Variants in PHF21A observed in about 807,000 individuals in gnomAD.
PHF21A encodes PHD finger protein 21A.
Under a neutral mutation model 82.5 loss-of-function variants are expected in PHF21A, and 11 were observed. The ratio of observed to expected loss-of-function variants is 0.13; its 90% CI spans 0.08 to 0.22. The LOEUF is 0.22. Among genes scored for constraint, PHF21A ranks in the 10% least tolerant of loss-of-function variants. PHF21A has a pLI of 1.00. For synonymous variants in PHF21A, 297 were observed against 302.8 expected (o/e 0.98, Z 0.20); for missense variants, 579 against 837.8 (o/e 0.69, Z 3.81).
intron 1 of PHF21A, among the ~76,000 whole-genome samples, chr11:46,110,350 C>T (rs912152141): frequency 2.0e-5 from 3 of 152,148 alleles, no homozygotes; most frequent in African/African-American, 7.2e-5. Flanking sequence ...ACAACTGTTT[C>T]CTTTATACTG....
chr11:45,994,350 C>G (rs1320459578), intron 6 of PHF21A, among the ~76,000 whole-genome samples: 1 of 152,162 alleles, frequency 6.6e-6, no homozygotes, highest in African/African-American at 2.4e-5. Flanking sequence ...AGCTATTTGT[C>G]TTTTGAAATA....
chr11:46,055,426 T>C (rs1001623377), intron 6 of PHF21A, among the ~76,000 whole-genome samples: 3 of 152,156 alleles, frequency 2.0e-5, no homozygotes, highest in Admixed American at 6.5e-5. Context: ...GGGAAAAGTG[T>C]AGAGTACACA....
chr11:46,001,573 A>T (rs1334164244), intron 6 of PHF21A, among the ~76,000 whole-genome samples: 1 of 152,138 alleles, frequency 6.6e-6, no homozygotes, highest in African/African-American at 2.4e-5. Context: ...GCTAACACTG[A>T]ATTTTTGTAT....
intron 5 of PHF21A, among the ~76,000 whole-genome samples, chr11:46,077,935 G>A (rs1201432501): frequency 1.3e-5 from 2 of 152,054 alleles, no homozygotes; most frequent in African/African-American, 2.4e-5. Flanking sequence ...ATTTTGAGAT[G>A]CAGTCTCACT....
chr11:45,964,218 T>TAATAATAAC (rs2093298583), intron 10 of PHF21A, among the ~76,000 whole-genome samples: 1 of 147,510 alleles, frequency 6.8e-6, no homozygotes, highest in Non-Finnish European at 1.5e-5. Context: ...ATAATAATAA[T>TAATAATAAC]AATAATAATA....
intron 6 of PHF21A, among the ~76,000 whole-genome samples, chr11:46,022,295 A>G (rs2095647799): frequency 6.6e-6 from 1 of 152,144 alleles, no homozygotes; most frequent in Non-Finnish European, 1.5e-5. Context: ...TTCTACAAAA[A>G]AATTTAAAAA....
chr11:46,085,316 C>T (rs189912463), intron 3 of PHF21A, among the ~76,000 whole-genome samples: 1 of 152,268 alleles, frequency 6.6e-6, no homozygotes, highest in Admixed American at 6.5e-5. Flanking sequence ...GCTTGCCAGT[C>T]ATCTCTTTGA....
intron 1 of PHF21A, among the ~76,000 whole-genome samples, chr11:46,109,981 A>C (rs1447237082): frequency 7.1e-6 from 1 of 140,796 alleles, no homozygotes; most frequent in Non-Finnish European, 1.6e-5. Flanking sequence ...ACTCCGTGTC[A>C]AAAAAAAAAA....
intron 9 of PHF21A, among the ~76,000 whole-genome samples, chr11:45,968,252 A>G (rs2093565581): frequency 6.6e-6 from 1 of 152,202 alleles, no homozygotes; most frequent in Non-Finnish European, 1.5e-5. Flanking sequence ...ATTTTCTAAA[A>G]CATAAATCTG....
intron 6 of PHF21A, among the ~76,000 whole-genome samples, chr11:45,984,562 A>C (rs1444987342): frequency 6.6e-6 from 1 of 152,240 alleles, no homozygotes; most frequent in Non-Finnish European, 1.5e-5. Context: ...GGAATTTTAT[A>C]GGTCTAATAC....
chr11:45,970,951 T>C (rs761657335), intron 8 of PHF21A, 165 bp downstream of exon 8: 17 of 780,358 alleles, frequency 2.2e-5, no homozygotes, highest in African/African-American at 3.5e-5. Context: ...TTTGAGCAGA[T>C]AGCAGAAATG....
intron 6 of PHF21A, among the ~76,000 whole-genome samples, chr11:46,012,591 A>G (rs4536183): frequency 0.01 from 1,555 of 152,288 alleles, 25 homozygotes; most frequent in African/African-American, 0.033. Flanking sequence ...AGCTACCTCA[A>G]AGGGCTGTGA....
At chr11:46,028,484 C>T (rs2095796815) in intron 6 of PHF21A, among the ~76,000 whole-genome samples, 1 of 151,578 alleles carries the variant, frequency 6.6e-6, no homozygotes, top group South Asian at 2.1e-4. Context: ...TTTTTCCCTC[C>T]TGAAACTCTA....
rs749417452 is a variant in PHF21A at position 46,032,223 on chromosome 11, A to G, written c.153+44531T>C. Among the ~76,000 whole-genome samples, 159 of 152,192 alleles carry G rather than the reference A, an allele frequency of 1.0e-3. 3 individuals are homozygous for G. Among genetic ancestry groups the G allele is most frequent in the Non-Finnish European group, 3.7e-4 (25 of 68,034 alleles). On this transcript the variant is annotated intron_variant, in intron 6 of 18. Transcript: ENST00000676320. ...AAAATATCATTATATTTTCCTATTT[A>G]TAAATGTAATATAATTTCATTTAAT...
At chr11:46,035,727 A>AT (rs2095986580) in intron 6 of PHF21A, among the ~76,000 whole-genome samples, 1 of 152,160 alleles carries the variant, frequency 6.6e-6, no homozygotes, top group Admixed American at 6.5e-5. Flanking sequence ...TGGGGAGGAG[A>AT]ACAGTGTCTC....
intron 1 of PHF21A, among the ~76,000 whole-genome samples, chr11:46,106,405 A>G (rs2097152811): frequency 6.6e-6 from 1 of 152,216 alleles, no homozygotes; most frequent in Non-Finnish European, 1.5e-5. Flanking sequence ...AAACAGCACA[A>G]AGATTTTTGT....
intron 15 of PHF21A, among the ~76,000 whole-genome samples, chr11:45,942,863 G>A (rs2090606056): frequency 6.6e-6 from 1 of 152,150 alleles, no homozygotes; most frequent in Admixed American, 6.5e-5. Flanking sequence ...GACAAGCTCT[G>A]TAATTCACCA....
chr11:46,074,377 G>T (rs1416200851), intron 6 of PHF21A, among the ~76,000 whole-genome samples: 2 of 151,646 alleles, frequency 1.3e-5, no homozygotes, highest in African/African-American at 4.9e-5. Context: ...TCAGTCATAC[G>T]GATAAGGTAA....
intron 6 of PHF21A, among the ~76,000 whole-genome samples, chr11:46,032,781 T>C (rs1209911753): frequency 6.6e-6 from 1 of 152,208 alleles, no homozygotes; most frequent in Non-Finnish European, 1.5e-5. Context: ...TTGTTCTAAT[T>C]TATAATTCCT....
Sources: gnomAD v4.1 joint callset for allele counts (sites outside exome capture counted in the v4.1 genomes callset) on GRCh38, gnomAD v4.1.1 for gene constraint, MANE v1.5 for transcripts, NCBI Gene and HGNC (gene_info 2026-07-23, HGNC 2026-07-21) for gene names.